NFKB1: variants seen among roughly 807,000 people sequenced by gnomAD.
The protein encoded by NFKB1 is nuclear factor kappa B subunit 1, also known as nuclear factor NF-kappa-B p105 subunit.
In NFKB1, 9 loss-of-function variants were observed where a neutral mutation model predicts 105.1. The ratio of observed to expected loss-of-function variants is 0.09; its 90% CI spans 0.05 to 0.15. NFKB1 has a LOEUF of 0.15. Ranked by LOEUF, NFKB1 falls within the 10% of genes least tolerant of loss-of-function variation. NFKB1 has a pLI of 1.00. For missense variants in NFKB1, 830 were observed against 1,203.7 expected, an observed-to-expected ratio of 0.69 and a Z score of 4.59; for synonymous variants, 440 against 442.2, an observed-to-expected ratio of 1.00 and a Z score of 0.06.
chr4:102,519,492 A>G (rs959950740), intron 1 of NFKB1, among the ~76,000 whole-genome samples: 1 of 149,882 alleles, frequency 6.7e-6, no homozygotes, highest in Non-Finnish European at 1.5e-5. Context: ...AGACCAAAGA[A>G]AATTTTTTTT....
At chr4:102,614,747 G>C (rs555748951) in intron 23 of NFKB1, among the ~76,000 whole-genome samples, 1 of 151,760 alleles carries the variant, frequency 6.6e-6, no homozygotes, top group Non-Finnish European at 1.5e-5. Flanking sequence ...TCCATTCCTG[G>C]CTCCTCCACA....
intron 6 of NFKB1, among the ~76,000 whole-genome samples, chr4:102,574,043 A>G (rs1444411390): frequency 1.6e-5 from 2 of 124,220 alleles, no homozygotes; most frequent in African/African-American, 6.2e-5. Context: ...TATGAATTAT[A>G]TTTTTCTATT....
chr4:102,507,581 C>T (rs902513876), intron 1 of NFKB1, among the ~76,000 whole-genome samples: 42 of 152,124 alleles, frequency 2.8e-4, no homozygotes, highest in African/African-American at 1.0e-3. Context: ...GGATTACAGG[C>T]GTGAGCCACC....
chr4:102,548,620 T>A (rs575650634), intron 5 of NFKB1, among the ~76,000 whole-genome samples: 4 of 152,270 alleles, frequency 2.6e-5, no homozygotes, highest in Admixed American at 1.3e-4. Context: ...TCTTTCACAG[T>A]TCTGGATGCT....
At position 102,596,148 on chromosome 4, in the gene NFKB1, C is replaced by A; in HGVS notation, c.1311C>A (p.Asp437Glu). ...TTGCATTTATCTTAGGAACCATGGA[C>A]ACTGAATCTAAAAAGGACCCTGAAG... The part of the protein sequence containing the change: ...SNAGMKHGTM[D>E]TESKKDPEGC... Residue 437 changes from aspartate to glutamate, a missense_variant, in exon 14 of 24, where the codon GAC becomes GAA. Physicochemically the swap from Asp to Glu is conservative, Grantham distance 45. Transcript: ENST00000226574. 6.3e-7 allele frequency: 1 copy of A among 1,593,346 alleles called. No individual in the cohort carries two copies. The highest frequency in any genetic ancestry group is 8.6e-7 in the Non-Finnish European group (1 of 1,167,498).
chr4:102,574,465 T>C (rs146813421), intron 6 of NFKB1, among the ~76,000 whole-genome samples: 2 of 152,274 alleles, frequency 1.3e-5, no homozygotes, highest in African/African-American at 4.8e-5. Context: ...ACTCCAGTGA[T>C]CTCTGAGTGT....
At chr4:102,585,306 CAGT>C (rs1319071778) in intron 11 of NFKB1, among the ~76,000 whole-genome samples, 2 of 152,098 alleles carry the variant, frequency 1.3e-5, no homozygotes, top group African/African-American at 4.8e-5. Flanking sequence ...TTAGAAGAGA[CAGT>C]AGTATATTAT....
intron 10 of NFKB1, among the ~76,000 whole-genome samples, chr4:102,584,067 A>C (rs1359812396): frequency 6.6e-6 from 1 of 152,202 alleles, no homozygotes; most frequent in Non-Finnish European, 1.5e-5. Flanking sequence ...TGGCTGGTAC[A>C]CTGTAGGAAC....
chr4:102,552,087 TG>T (rs1193553187), intron 5 of NFKB1, among the ~76,000 whole-genome samples: 2 of 152,140 alleles, frequency 1.3e-5, no homozygotes, highest in Non-Finnish European at 2.9e-5. Context: ...AAGGAAGTGG[TG>T]GTCTCATTTG....
intron 1 of NFKB1, among the ~76,000 whole-genome samples, chr4:102,502,957 GA>G (rs140291571): frequency 2.3e-4 from 35 of 152,212 alleles, no homozygotes; most frequent in African/African-American, 8.4e-4. Context: ...TTTTCTAGCA[GA>G]ATCCCACAAC....
rs11336046 is a variant in NFKB1 at position 102,608,658 on chromosome 4, C to CT, written c.2227+920dup. 7.3e-3 allele frequency among the ~76,000 whole-genome samples: 1,069 copies of CT among 147,192 alleles called. 6 individuals are homozygous for CT. Among genetic ancestry groups the CT allele is most frequent in the South Asian group, 0.047 (216 of 4,638 alleles). On this transcript the variant is annotated intron_variant, in intron 19 of 23. Coordinates refer to ENST00000226574, the MANE Select transcript of NFKB1 (RefSeq NM_003998.4). Reference sequence around the variant, plus strand: ...TGACATATCTGATATACTTTAGAGGCTTTTTTTTTTTTTAACTTAAAAGGT... The same window carrying CT: ...TGACATATCTGATATACTTTAGAGGCTTTTTTTTTTTTTTAACTTAAAAGGT...
chr4:102,567,087 A>C lies in NFKB1; in HGVS notation c.359A>C (p.Glu120Ala). The change falls in exon 6 of 24, where the codon GAG (glutamate) becomes GCG (alanine). Residue 120 changes from glutamate (E) to alanine (A), a missense_variant. Coordinates refer to ENST00000226574, the MANE Select transcript of NFKB1 (RefSeq NM_003998.4). ...HAHSLVGKHC[E>A]DGICTVTAGP... ...CACAGCCTGGTGGGAAAACACTGTG[A>C]GGATGGGATCTGCACTGTAACTGCT... 1.2e-6 allele frequency: 2 copies of C among 1,614,024 alleles called. No individual in the cohort carries two copies. The highest frequency in any genetic ancestry group is 1.7e-6 in the Non-Finnish European group (2 of 1,179,884).
In NFKB1 at chr4:102,612,509, A is replaced by G; in HGVS notation, c.2495A>G (p.Asn832Ser). The G allele has an allele frequency of 6.2e-7, 1 of 1,613,964 alleles. No homozygotes were observed. Among genetic ancestry groups the G allele is most frequent in the East Asian group, 2.2e-5 (1 of 44,888 alleles). Residue 832 changes from asparagine (N) to serine (S), a missense_variant, in exon 22 of 24, where the codon AAC becomes AGC. Physicochemically the swap from Asn to Ser is conservative, Grantham distance 46. This residue lies in a region of NFKB1 where 418 missense variants were observed against 575.3 expected (regional missense o/e 0.73). Coordinates refer to ENST00000226574, the MANE Select transcript of NFKB1 (RefSeq NM_003998.4). ...CTAGAAATTCCTGATCCAGACAAAA[A>G]CTGGGCTACTCTGGCGCAGAAATTA... ...KLLEIPDPDK[N>S]WATLAQKLGL... is the part of the protein sequence containing the mutation.
chr4:102,528,791 T>G (rs1264308151), intron 2 of NFKB1, among the ~76,000 whole-genome samples: 1 of 152,222 alleles, frequency 6.6e-6, no homozygotes, highest in Non-Finnish European at 1.5e-5. Context: ...TTCAAAATAT[T>G]CTGCATGCCC....
intron 16 of NFKB1, 77 bp from the exon 17 acceptor site, chr4:102,606,419 G>A (rs1727730586): frequency 7.2e-7 from 1 of 1,388,860 alleles, no homozygotes; most frequent in Non-Finnish European, 1.0e-6. Flanking sequence ...ACCTATTGCA[G>A]TAACAGCTAC....
intron 1 of NFKB1, among the ~76,000 whole-genome samples, chr4:102,517,952 G>A: frequency 6.6e-6 from 1 of 152,114 alleles, no homozygotes; most frequent in South Asian, 2.1e-4. Context: ...TAAGTAATAT[G>A]GCAATAATGT....
intron 11 of NFKB1, among the ~76,000 whole-genome samples, chr4:102,592,600 A>T (rs1726264791): frequency 6.6e-6 from 1 of 152,216 alleles, no homozygotes; most frequent in Admixed American, 6.5e-5. Context: ...TGCACACTTA[A>T]TAGCCTATAG....
At chr4:102,598,822 G>A (rs1230180619) in intron 15 of NFKB1, among the ~76,000 whole-genome samples, 1 of 152,170 alleles carries the variant, frequency 6.6e-6, no homozygotes. Flanking sequence ...TATCTGAAGG[G>A]AGGATTGTTG....
intron 14 of NFKB1, among the ~76,000 whole-genome samples, chr4:102,596,760 G>A (rs1233549435): frequency 6.6e-6 from 1 of 151,860 alleles, no homozygotes; most frequent in Non-Finnish European, 1.5e-5. Context: ...TGAAGAAGTA[G>A]GATTAGGAGA....
Sources: gnomAD v4.1 joint callset for allele counts (sites outside exome capture counted in the v4.1 genomes callset) on GRCh38, gnomAD v4.1.1 for gene constraint, gnomAD v4.1.1 regional missense constraint, MANE v1.5 for transcripts, NCBI Gene and HGNC (gene_info 2026-07-23, HGNC 2026-07-21) for gene names.